The following FSTL4 variants were observed in gnomAD, a reference collection of about 807,000 sequenced individuals.
FSTL4 encodes the protein follistatin-related protein 4.
In FSTL4, 28 loss-of-function variants were observed where a neutral mutation model predicts 78.2. That is an observed-to-expected ratio of 0.36 (90% CI 0.27 to 0.49). The LOEUF is 0.49. Among genes scored for constraint, FSTL4 ranks in the 20% least tolerant of loss-of-function variants. FSTL4 has a pLI of 0.98. For synonymous variants in FSTL4, 422 were observed against 440.5 expected, an observed-to-expected ratio of 0.96 and a Z score of 0.53; for missense variants, 922 against 1,084.9, an observed-to-expected ratio of 0.85 and a Z score of 2.11.
At chr5:133,262,194 C>T (rs1321804951) in intron 6 of FSTL4, among the ~76,000 whole-genome samples, 1 of 152,168 alleles carries the variant, frequency 6.6e-6, no homozygotes, top group Admixed American at 6.5e-5. Context: ...AATGCTGGAA[C>T]AACTGCAGCT....
At chr5:133,267,697 C>T (rs1752676069) in intron 6 of FSTL4, among the ~76,000 whole-genome samples, 1 of 152,176 alleles carries the variant, frequency 6.6e-6, no homozygotes, top group African/African-American at 2.4e-5. Context: ...TGGGAAGGAA[C>T]TGCCTGCCAT....
intron 6 of FSTL4, among the ~76,000 whole-genome samples, chr5:133,263,889 T>C (rs1251707806): frequency 2.6e-5 from 4 of 152,056 alleles, no homozygotes; most frequent in Non-Finnish European, 5.9e-5. Context: ...CAGCCTCTGA[T>C]GGGGCAGAGA....
Position 133,236,421 on chromosome 5 carries a change from A to G in FSTL4, c.895-2884T>C, listed in dbSNP as rs1456234234. 7.9e-6 allele frequency among the ~76,000 whole-genome samples: 1 copy of G among 125,852 alleles called. No homozygotes were observed. Among genetic ancestry groups the G allele is most frequent in the African/African-American group, 5.3e-5 (1 of 18,870 alleles). The allele number at this position is 125,852 out of a possible 152,430, so 82.6% of individuals were successfully genotyped here. A position where few individuals can be genotyped will look rare whatever the true frequency, so the allele number is the denominator to read the frequency against. On this transcript the variant is annotated intron_variant, in intron 7 of 15. Transcript: ENST00000265342. The surrounding 1 kb of genome is among the most constrained non-coding windows in gnomAD (Gnocchi z 5.0). ...CCTTGTATGTATTTAATCCTCAGGA[A>G]AAAAAAAACCCTGAAAACCCCAATC...
At chr5:133,691,577 G>A in the FSTL4 span, among the ~76,000 whole-genome samples, 1 of 152,048 alleles carries the variant, frequency 6.6e-6, no homozygotes, top group African/African-American at 2.4e-5. Context: ...AGAAGGGTTC[G>A]AGGCTGAGTC....
chr5:133,796,797 G>A, the FSTL4 span, among the ~76,000 whole-genome samples: 2 of 152,132 alleles, frequency 1.3e-5, no homozygotes, highest in Non-Finnish European at 2.9e-5. Context: ...AAACAGGCAT[G>A]GCTGTTCCCA....
chr5:133,718,118 A>T, the FSTL4 span, among the ~76,000 whole-genome samples: 1 of 150,484 alleles, frequency 6.6e-6, no homozygotes, highest in Non-Finnish European at 1.5e-5. Flanking sequence ...TTTGAGATGG[A>T]GTCTCACTCT....
chr5:133,648,426 C>T, the FSTL4 span, among the ~76,000 whole-genome samples: 1 of 152,154 alleles, frequency 6.6e-6, no homozygotes, highest in Admixed American at 6.5e-5. Context: ...CTTGTCAGGC[C>T]CAACCTTTCC....
rs58731962 is a variant in FSTL4, at chr5:133,406,663, G to A, written c.161-5677C>T. On this transcript the variant is annotated intron_variant, in intron 3 of 15. Coordinates refer to ENST00000265342, the MANE Select transcript of FSTL4 (RefSeq NM_015082.2). ...TCTGTAATTCCTCCCAAGGACATGT[G>A]TGTGTTAACACCCAGCCAGAGAAGG... Among the ~76,000 whole-genome samples the A allele has an allele frequency of 9.4e-3, 1,434 of 152,306 alleles. 30 individuals are homozygous for A. Among genetic ancestry groups the A allele is most frequent in the African/African-American group, 0.032 (1,336 of 41,550 alleles).
intron 3 of FSTL4, among the ~76,000 whole-genome samples, chr5:133,501,224 T>A (rs1758489433): frequency 6.6e-6 from 1 of 151,796 alleles, no homozygotes; most frequent in Admixed American, 6.6e-5. Flanking sequence ...CAAAACCATG[T>A]GAGAGAAAAT....
the FSTL4 span, among the ~76,000 whole-genome samples, chr5:133,719,045 T>C: frequency 6.6e-6 from 1 of 152,226 alleles, no homozygotes; most frequent in Non-Finnish European, 1.5e-5. Context: ...ACTGCTTCAC[T>C]TTTGAATTTT....
chr5:133,291,362 G>A (rs56389836), intron 6 of FSTL4, among the ~76,000 whole-genome samples: 5 of 152,208 alleles, frequency 3.3e-5, no homozygotes, highest in African/African-American at 7.2e-5. Context: ...GCGCACCTGA[G>A]TGTCTCAGAC....
intron 3 of FSTL4, among the ~76,000 whole-genome samples, chr5:133,482,901 G>A (rs930202430): frequency 6.6e-6 from 1 of 152,146 alleles, no homozygotes; most frequent in Non-Finnish European, 1.5e-5. Flanking sequence ...AAAGAGCCAG[G>A]CCTGAGCATT....
chr5:133,326,832 G>T (rs1478868651), intron 4 of FSTL4, among the ~76,000 whole-genome samples: 3 of 152,160 alleles, frequency 2.0e-5, no homozygotes, highest in Admixed American at 2.0e-4. Flanking sequence ...ATAACTTCAC[G>T]TTCTTAGAGA....
At chr5:133,434,979 T>A (rs1262221962) in intron 3 of FSTL4, among the ~76,000 whole-genome samples, 1 of 152,184 alleles carries the variant, frequency 6.6e-6, no homozygotes, top group Non-Finnish European at 1.5e-5. Flanking sequence ...ATGGTCATCT[T>A]TTTTATTGAT....
the FSTL4 span, among the ~76,000 whole-genome samples, chr5:133,800,234 A>G: frequency 7.2e-6 from 1 of 138,294 alleles, no homozygotes; most frequent in Non-Finnish European, 1.6e-5. Context: ...GCAAGGGCAA[A>G]GAGATGCAGA....
At position 133,210,397 on chromosome 5, in the gene FSTL4, C is replaced by T; in HGVS notation, c.1609-99G>A. The T allele has an allele frequency of 6.5e-6, 4 of 619,776 alleles. No homozygotes were observed. In the South Asian group the frequency reaches 9.5e-5, roughly 15 times the overall value. 38.4% of individuals were successfully genotyped at this position (619,776 alleles called of 1,614,324 possible). A position where few individuals can be genotyped will look rare whatever the true frequency, so the allele number is the denominator to read the frequency against. ...ACTCCTGGGCGAGGGGAAAGCCAGT[C>T]TAGAAGCCTTGCCAATGGTTCCATT... On this transcript the variant is annotated intron_variant, in intron 13 of 15. Coordinates refer to ENST00000265342, the MANE Select transcript of FSTL4 (RefSeq NM_015082.2).
At chr5:133,497,469 C>A (rs537605077) in intron 3 of FSTL4, among the ~76,000 whole-genome samples, 1 of 152,278 alleles carries the variant, frequency 6.6e-6, no homozygotes, top group East Asian at 1.9e-4. Context: ...CTGTTGTTTG[C>A]CTGAGGGGCA....
chr5:133,686,733 G>C, the FSTL4 span, among the ~76,000 whole-genome samples: 1 of 152,230 alleles, frequency 6.6e-6, no homozygotes. Context: ...TACAAGGATA[G>C]AATAAAACCA....
chr5:133,311,182 T>A (rs566563224), intron 6 of FSTL4, among the ~76,000 whole-genome samples: 1 of 152,326 alleles, frequency 6.6e-6, no homozygotes, highest in South Asian at 2.1e-4. Flanking sequence ...ATGAACCAGG[T>A]GTGGGGAGTT....
Sources: gnomAD v4.1 joint callset for allele counts (sites outside exome capture counted in the v4.1 genomes callset) on GRCh38, gnomAD v4.1.1 for gene constraint, Gnocchi (gnomAD v3.1) non-coding constraint, MANE v1.5 for transcripts, NCBI Gene and HGNC (gene_info 2026-07-23, HGNC 2026-07-21) for gene names.